PDCD1: variants seen among roughly 807,000 people sequenced by gnomAD.
PDCD1 encodes programmed cell death protein 1.
In PDCD1, 10 loss-of-function variants were observed where a neutral mutation model predicts 23.6. The ratio of observed to expected loss-of-function variants is 0.42; its 90% CI spans 0.26 to 0.72. The LOEUF (loss-of-function observed/expected upper bound fraction) is 0.72. Among genes scored for constraint, PDCD1 ranks in the 30% least tolerant of loss-of-function variants. The pLI, the probability that PDCD1 is intolerant of heterozygous loss-of-function variation, is 0.24. For synonymous variants in PDCD1, 168 were observed against 169.3 expected (o/e 0.99, Z 0.06); for missense variants, 313 against 397.8 (o/e 0.79, Z 1.81).
chr2:241,855,690 C>G (rs991082973), intron 1 of PDCD1, among the ~76,000 whole-genome samples: 1 of 152,192 alleles, frequency 6.6e-6, no homozygotes, highest in Non-Finnish European at 1.5e-5. Flanking sequence ...CTGCCTGCCC[C>G]GGGCGGAGGA....
At chr2:241,856,177 G>A (rs1701020871) in intron 1 of PDCD1, among the ~76,000 whole-genome samples, 1 of 152,166 alleles carries the variant, frequency 6.6e-6, no homozygotes, top group African/African-American at 2.4e-5. Context: ...CCGACCCTGT[G>A]GCCCCTCGGT....
At chr2:241,856,831 A>G (rs1453019534) in intron 1 of PDCD1, among the ~76,000 whole-genome samples, 1 of 152,200 alleles carries the variant, frequency 6.6e-6, no homozygotes, top group African/African-American at 2.4e-5. Flanking sequence ...AGAAACAAAC[A>G]AAAAAGTGTC....
At chr2:241,855,570 A>G (rs1701004420) in intron 1 of PDCD1, among the ~76,000 whole-genome samples, 1 of 152,046 alleles carries the variant, frequency 6.6e-6, no homozygotes, top group African/African-American at 2.4e-5. Flanking sequence ...CAGGAGGGAG[A>G]CAGAGCCCAT....
Position 241,850,932 on chromosome 2 carries a change from C to T in PDCD1, c.*126G>A. 7.8e-7 allele frequency: 1 copy of T among 1,282,608 alleles called. No homozygotes were observed. The highest frequency in any genetic ancestry group is 1.5e-5 in the South Asian group (1 of 67,346). The allele number at this position is 1,282,608 out of a possible 1,614,324, so 79.5% of individuals were successfully genotyped here. ...CAGGTGCAGGCTGGAGCCCCGGTCGCCCCCAGGCAGCTCAGCCCCTGGACG... is the reference window on the plus strand; with the variant it reads ...CAGGTGCAGGCTGGAGCCCCGGTCGTCCCCAGGCAGCTCAGCCCCTGGACG... On this transcript the variant is annotated 3_prime_UTR_variant, in exon 5 of 5. Transcript: ENST00000334409.
Position 241,851,207 on chromosome 2 carries a change from G to T in PDCD1, c.718C>A (p.Pro240Thr). Residue 240 changes from proline to threonine, a missense_variant, in exon 5 of 5, where the codon CCC becomes ACC. This residue lies in a region of PDCD1 where 158 missense variants were observed against 177.5 expected (regional missense o/e 0.89). Transcript: ENST00000334409. ...WREKTPEPPV[P>T]CVPEQTEYAT... The stretch of plus-strand genomic sequence containing the variant: ...TACTCCGTCTGCTCAGGGACACAGG[G>T]CACGGGGGGCTCCGGGGTCTTCTCT... 1 of 1,613,616 alleles carries T rather than the reference G, an allele frequency of 6.2e-7. No individual in the cohort carries two copies. Among genetic ancestry groups the T allele is most frequent in the Non-Finnish European group, 8.5e-7 (1 of 1,179,916 alleles).
rs371026599 is a variant in PDCD1, at chr2:241,856,288, C to T, written c.76+2475G>A. 3.9e-5 allele frequency among the ~76,000 whole-genome samples: 6 copies of T among 152,188 alleles called. No individual in the cohort carries two copies. The East Asian group carries it at 1.2e-3, about 29-fold the overall frequency. ...CCCTCAGAGCACAGGGGAGCCGACC[C>T]TGCGGAGCTCCATCCTGCACGTCCA... is the stretch of plus-strand genomic sequence containing the variant. On this transcript the variant is annotated intron_variant, in intron 1 of 4. Transcript: ENST00000334409.
In PDCD1 at chr2:241,850,773, G is replaced by A. The variant is rs1193836615; in HGVS notation, c.*285C>T. 2.5e-5 allele frequency: 16 copies of A among 644,586 alleles called. No individual in the cohort carries two copies. Among genetic ancestry groups the A allele is most frequent in the Middle Eastern group, 6.2e-4 (2 of 3,224 alleles). The allele number at this position is 644,586 out of a possible 1,614,324, so 39.9% of individuals were successfully genotyped here. A position where few individuals can be genotyped will look rare whatever the true frequency, so the allele number is the denominator to read the frequency against. On this transcript the variant is annotated 3_prime_UTR_variant, in exon 5 of 5. Transcript: ENST00000334409. ...GCAGCAGAGATTCAGGGAGCTGGAC[G>A]CAGGCAGCTCTGTGCTGGCAGGACC... is the stretch of plus-strand genomic sequence containing the variant.
At chr2:241,854,904 G>A (rs531826815) in intron 1 of PDCD1, among the ~76,000 whole-genome samples, 7 of 152,326 alleles carry the variant, frequency 4.6e-5, no homozygotes, top group Admixed American at 4.6e-4. Context: ...CAGGACAATG[G>A]CCGCTGTGTG....
Position 241,852,024 on chromosome 2 carries a change from G to A in PDCD1, c.593-41C>T, listed in dbSNP as rs752713614. On this transcript the variant is annotated intron_variant, in intron 3 of 4. Coordinates refer to ENST00000334409, the MANE Select transcript of PDCD1 (RefSeq NM_005018.3). ...CTTGGGGTCACCAGGCCGACCCTGA[G>A]CCGTGCTCCTAGGTGGGGGGTCTTA... The A allele has an allele frequency of 1.5e-5, 24 of 1,602,430 alleles. 1 individual carries two copies. The South Asian group carries it at 2.6e-4, about 17-fold the overall frequency.
chr2:241,852,817 G>A lies in PDCD1; in HGVS notation c.240C>T (p.Ala80=), dbSNP rs373755187. Residue 80 remains alanine, a synonymous_variant, in exon 2 of 5, where the codon GCC becomes GCT. Transcript: ENST00000334409. The stretch of plus-strand genomic sequence containing the variant: ...GCTGGCTGCGGTCCTCGGGGAAGGC[G>A]GCCAGCTTGTCCGTCTGGTTGCTGG... ...MSPSNQTDKL[A]AFPEDRSQPG... is the part of the protein sequence containing the mutation. 107 of 1,612,834 alleles carry A rather than the reference G, an allele frequency of 6.6e-5. No homozygotes were observed. Among genetic ancestry groups the A allele is most frequent in the South Asian group, 1.1e-4 (10 of 91,086 alleles).
At chr2:241,853,946 G>A (rs1700961443) in intron 1 of PDCD1, among the ~76,000 whole-genome samples, 1 of 152,242 alleles carries the variant, frequency 6.6e-6, no homozygotes, top group Non-Finnish European at 1.5e-5. Context: ...CCAGGCCCTG[G>A]TTGCCACAGC....
chr2:241,857,111 C>T (rs758463089), intron 1 of PDCD1, among the ~76,000 whole-genome samples: 3 of 152,176 alleles, frequency 2.0e-5, no homozygotes, highest in Non-Finnish European at 2.9e-5. Flanking sequence ...ACAAGGGAAG[C>T]ACACACCTGA....
chr2:241,851,972 C>A lies in PDCD1; in HGVS notation c.604G>T (p.Ala202Ser), dbSNP rs756914027. 1 of 1,613,572 alleles carries A rather than the reference C, an allele frequency of 6.2e-7. No individual in the cohort carries two copies. The highest frequency in any genetic ancestry group is 8.5e-7 in the Non-Finnish European group (1 of 1,179,870). The change falls in exon 4 of 5, where the codon GCC becomes TCC. Residue 202 changes from alanine (A) to serine (S), a missense_variant. Physicochemically the swap from Ala to Ser is moderately conservative, Grantham distance 99. This residue lies in a region of PDCD1 where 158 missense variants were observed against 177.5 expected (regional missense o/e 0.89). Coordinates refer to ENST00000334409, the MANE Select transcript of PDCD1 (RefSeq NM_005018.3). ...CSRAARGTIG[A>S]RRTGQPLKED... ...ACCAGGGGCTGGCCGGTGCGCCTGGCTCCTATTGTCCCTGCAGAGAAACAC... is the reference window on the plus strand; with the variant it reads ...ACCAGGGGCTGGCCGGTGCGCCTGGATCCTATTGTCCCTGCAGAGAAACAC...
At chr2:241,854,605 A>G (rs1162999416) in intron 1 of PDCD1, among the ~76,000 whole-genome samples, 1 of 152,138 alleles carries the variant, frequency 6.6e-6, no homozygotes, top group Non-Finnish European at 1.5e-5. Context: ...AGCCTGGGAC[A>G]GGGTGGGCTG....
In PDCD1 at chr2:241,852,218, A is replaced by T. The variant is rs1252126123; in HGVS notation, c.572T>A (p.Ile191Asn). 1.2e-6 allele frequency: 2 copies of T among 1,610,110 alleles called. No homozygotes were observed. Among genetic ancestry groups the T allele is most frequent in the African/African-American group, 2.7e-5 (2 of 74,792 alleles). ...LVLLVWVLAV[I>N]CSRAARGTIG... ...GTTACCTCGTGCGGCCCGGGAGCAG[A>T]TGACGGCCAGGACCCAGACTAGCAG... The change falls in exon 3 of 5, where the codon ATC (isoleucine) becomes AAC (asparagine). Residue 191 changes from isoleucine to asparagine, a missense_variant. Physicochemically the swap from Ile to Asn is moderately radical, Grantham distance 149. Transcript: ENST00000334409.
At chr2:241,856,303 C>T (rs1043611000) in intron 1 of PDCD1, among the ~76,000 whole-genome samples, 3 of 152,204 alleles carry the variant, frequency 2.0e-5, no homozygotes, top group Non-Finnish European at 4.4e-5. Flanking sequence ...GAGCTCCATC[C>T]TGCACGTCCA....
intron 1 of PDCD1, among the ~76,000 whole-genome samples, chr2:241,857,894 G>A (rs1351893164): frequency 1.3e-5 from 2 of 152,084 alleles, no homozygotes; most frequent in African/African-American, 4.8e-5. Flanking sequence ...TGGCCTGGGT[G>A]AAACCACCCT....
intron 1 of PDCD1, among the ~76,000 whole-genome samples, chr2:241,857,260 G>GCC (rs1272132901): frequency 1.3e-5 from 2 of 152,236 alleles, no homozygotes; most frequent in Non-Finnish European, 2.9e-5. Context: ...CCCCAGTCAT[G>GCC]CCCACTGCGC....
In PDCD1 at chr2:241,852,915, C is replaced by A. The variant is rs1218751742; in HGVS notation, c.142G>T (p.Asp48Tyr). 6.3e-7 allele frequency: 1 copy of A among 1,594,224 alleles called. No individual in the cohort carries two copies. The highest frequency in any genetic ancestry group is 1.7e-5 in the Admixed American group (1 of 59,010). ...AAGCTGCAGGTGAAGGTGGCGTTGT[C>A]CCCTTCGGTCACCACGAGCAGGGCT... ...SPALLVVTEGDNATFTCSFSN... is the reference protein window; with the variant it reads ...SPALLVVTEGYNATFTCSFSN... The change falls in exon 2 of 5, where the codon GAC (aspartate) becomes TAC (tyrosine). Residue 48 changes from aspartate to tyrosine, a missense_variant. Physicochemically the swap from Asp to Tyr is radical, Grantham distance 160. This residue lies in a region of PDCD1 where 135 missense variants were observed against 166.9 expected (regional missense o/e 0.81). Coordinates refer to ENST00000334409, the MANE Select transcript of PDCD1 (RefSeq NM_005018.3).
Sources: gnomAD v4.1 joint callset for allele counts (sites outside exome capture counted in the v4.1 genomes callset) on GRCh38, gnomAD v4.1.1 for gene constraint, gnomAD v4.1.1 regional missense constraint, MANE v1.5 for transcripts, NCBI Gene and HGNC (gene_info 2026-07-23, HGNC 2026-07-21) for gene names.